The following VAV2 variants were observed in gnomAD, a reference collection of about 807,000 sequenced individuals.
VAV2 encodes guanine nucleotide exchange factor VAV2.
Under a neutral mutation model 132.5 loss-of-function variants are expected in VAV2, and 67 were observed. That is an observed-to-expected ratio of 0.51 (90% CI 0.42 to 0.62). The LOEUF is 0.62. Ranked by LOEUF, VAV2 falls within the 20% of genes least tolerant of loss-of-function variation. The probability of loss-of-function intolerance (pLI) is 0.00; values close to 1 mark genes in which losing one functional copy is unlikely to be tolerated. For synonymous variants in VAV2, 492 were observed against 443.5 expected (o/e 1.11, Z -1.37); for missense variants, 938 against 1,153.6 (o/e 0.81, Z 2.71).
intron 29 of VAV2, 55 bp from the exon 30 acceptor site, chr9:133,764,164 G>A (rs1833357917): frequency 6.2e-7 from 1 of 1,610,722 alleles, no homozygotes; most frequent in Non-Finnish European, 8.5e-7. Context: ...GTAAGCAGGT[G>A]TGTGCATGTC....
chr9:133,768,664 TG>T lies in VAV2; in HGVS notation c.2435-69del. ...CCCAACCAGTGATCCAGGAGGCCCT[TG>T]GGCCAAGCTGGGTCTCTCCCCTGGT... On this transcript the variant is annotated intron_variant, in intron 28 of 29. Coordinates refer to ENST00000371850, the MANE Select transcript of VAV2 (RefSeq NM_001134398.2). The surrounding 1 kb of genome is among the most constrained non-coding windows in gnomAD (Gnocchi z 5.3). 1 of 1,543,616 alleles carries T rather than the reference TG, an allele frequency of 6.5e-7. No individual in the cohort carries two copies. Among genetic ancestry groups the T allele is most frequent in the Middle Eastern group, 1.7e-4 (1 of 5,832 alleles).
chr9:133,908,438 C>A (rs1839754872), intron 2 of VAV2, among the ~76,000 whole-genome samples: 1 of 152,108 alleles, frequency 6.6e-6, no homozygotes, highest in Non-Finnish European at 1.5e-5. Context: ...ACACCCTCTT[C>A]CCCTGGAAAT....
chr9:133,827,216 G>C lies in VAV2; in HGVS notation c.449+7056C>G, dbSNP rs183909766. On this transcript the variant is annotated intron_variant, in intron 4 of 29. Transcript: ENST00000371850. The stretch of plus-strand genomic sequence containing the variant: ...TGACCACTGAGCATGGGCATCGCCA[G>C]CTACTGCTGTGCCCACTGGGGCTGA... Among the ~76,000 whole-genome samples, 686 of 114,054 alleles carry C rather than the reference G, an allele frequency of 6.0e-3. 51 individuals are homozygous for C. The highest frequency in any genetic ancestry group is 0.02 in the African/African-American group (553 of 27,866). The allele number at this position is 114,054 out of a possible 152,430, so 74.8% of individuals were successfully genotyped here. A position where few individuals can be genotyped will look rare whatever the true frequency, so the allele number is the denominator to read the frequency against.
chr9:133,786,209 G>A (rs1356424509), intron 16 of VAV2, among the ~76,000 whole-genome samples: 2 of 152,188 alleles, frequency 1.3e-5, no homozygotes, highest in African/African-American at 2.4e-5. Flanking sequence ...GCCTGCACGC[G>A]TGTCTATGCG....
At chr9:133,838,534 GATGC>G (rs1186696024) in intron 3 of VAV2, among the ~76,000 whole-genome samples, 1 of 78,508 alleles carries the variant, frequency 1.3e-5, no homozygotes, top group Non-Finnish European at 2.5e-5. Flanking sequence ...TAGATGGATG[GATGC>G]ATGCATGCAT....
rs971787497 is a variant in VAV2 at position 133,918,354 on chromosome 9, T to C, written c.321+20749A>G. On this transcript the variant is annotated intron_variant, in intron 2 of 29. Coordinates refer to ENST00000371850, the MANE Select transcript of VAV2 (RefSeq NM_001134398.2). This position sits in a 1 kb window ranked among gnomAD's most constrained non-coding sequence, Gnocchi z 4.7. ...AGCCTTGTGTCTGCATTTCCCGCAC[T>C]TTCATCTGCTGGTCCGGACCCAGGC... Among the ~76,000 whole-genome samples the C allele has an allele frequency of 1.6e-4, 24 of 146,958 alleles. No homozygotes were observed. Among genetic ancestry groups the C allele is most frequent in the Non-Finnish European group, 3.0e-5 (2 of 67,738 alleles).
At chr9:133,874,828 C>A (rs949936219) in intron 2 of VAV2, among the ~76,000 whole-genome samples, 1 of 152,198 alleles carries the variant, frequency 6.6e-6, no homozygotes, top group African/African-American at 2.4e-5. Flanking sequence ...CCCTCCCCAG[C>A]CCACAACTGC....
At chr9:133,932,591 C>T (rs2789843) in intron 2 of VAV2, among the ~76,000 whole-genome samples, 123,181 of 152,140 alleles carry the variant, frequency 0.81, 51,324 homozygotes, top group East Asian at 0.93. Context: ...ATTTTTTCAC[C>T]GAGTCCTTTA....
intron 2 of VAV2, among the ~76,000 whole-genome samples, chr9:133,893,443 G>A (rs967395329): frequency 2.6e-5 from 4 of 152,202 alleles, no homozygotes; most frequent in African/African-American, 2.4e-5. Context: ...AGGCCCTAGC[G>A]ACAACTCTGG....
chr9:133,910,908 G>A (rs1473065080), intron 2 of VAV2, among the ~76,000 whole-genome samples: 4 of 151,920 alleles, frequency 2.6e-5, no homozygotes, highest in Admixed American at 1.3e-4. Flanking sequence ...GGCGGGCACG[G>A]GAGTCTAACA....
intron 2 of VAV2, among the ~76,000 whole-genome samples, chr9:133,929,523 G>T (rs944179874): frequency 1.4e-4 from 21 of 152,080 alleles, no homozygotes; most frequent in Non-Finnish European, 3.1e-4. Context: ...GGGGTAGGGG[G>T]ACCCAAGGCT....
At chr9:133,891,119 C>A (rs1027222221) in intron 2 of VAV2, among the ~76,000 whole-genome samples, 3 of 150,812 alleles carry the variant, frequency 2.0e-5, no homozygotes, top group South Asian at 2.1e-4. Flanking sequence ...GCACCAGAGC[C>A]CTGCTCAAGG....
At chr9:133,778,934 C>G (rs776041142) in intron 21 of VAV2, 45 bp from the exon 22 acceptor site, 5 of 1,598,852 alleles carry the variant, frequency 3.1e-6, no homozygotes, top group Non-Finnish European at 4.3e-6. Flanking sequence ...GCAGCTCACT[C>G]GGTGACTGAC....
intron 1 of VAV2, among the ~76,000 whole-genome samples, chr9:133,988,556 G>A (rs1842923917): frequency 6.6e-6 from 1 of 152,324 alleles, no homozygotes; most frequent in Non-Finnish European, 1.5e-5. Context: ...AGAAAGGGCA[G>A]ATGTGATTTT....
chr9:133,815,797 C>T (rs1034648477), intron 4 of VAV2, among the ~76,000 whole-genome samples: 50 of 152,142 alleles, frequency 3.3e-4, no homozygotes, highest in African/African-American at 9.7e-4. Flanking sequence ...TATGCACGCA[C>T]GCCTGTGTGG....
At position 133,863,979 on chromosome 9, in the gene VAV2, G is replaced by A. The variant is rs1837699352; in HGVS notation, c.322-2547C>T. On this transcript the variant is annotated intron_variant, in intron 2 of 29. Transcript: ENST00000371850. The surrounding 1 kb of genome is among the most constrained non-coding windows in gnomAD (Gnocchi z 5.0). The stretch of plus-strand genomic sequence containing the variant: ...AGCTCCCCAGGGCACCTCTGGCTGT[G>A]CCCACCCCACTCCCAGGACAGACAG... 6.6e-6 allele frequency among the ~76,000 whole-genome samples: 1 copy of A among 152,134 alleles called. No homozygotes were observed. Among genetic ancestry groups the A allele is most frequent in the South Asian group, 2.1e-4 (1 of 4,824 alleles).
chr9:133,932,768 G>C (rs1840733152), intron 2 of VAV2, among the ~76,000 whole-genome samples: 1 of 152,210 alleles, frequency 6.6e-6, no homozygotes, highest in Non-Finnish European at 1.5e-5. Flanking sequence ...ACCGAGCCTG[G>C]ATGAGAGGAG....
intron 4 of VAV2, among the ~76,000 whole-genome samples, chr9:133,828,581 T>C (rs972754880): frequency 2.0e-5 from 3 of 152,208 alleles, no homozygotes; most frequent in Non-Finnish European, 4.4e-5. Context: ...ACCCAAGGTG[T>C]CCTTCTACCG....
Position 133,935,606 on chromosome 9 carries a change from C to T in VAV2, c.321+3497G>A, listed in dbSNP as rs1276730997. 1.3e-5 allele frequency among the ~76,000 whole-genome samples: 2 copies of T among 152,246 alleles called. No homozygotes were observed. The highest frequency in any genetic ancestry group is 2.9e-5 in the Non-Finnish European group (2 of 68,046). On this transcript the variant is annotated intron_variant, in intron 2 of 29. Coordinates refer to ENST00000371850, the MANE Select transcript of VAV2 (RefSeq NM_001134398.2). The surrounding 1 kb of genome is among the most constrained non-coding windows in gnomAD (Gnocchi z 5.2). ...TTGCTTGTGTTTTGTTTTTCCAGAACACCTGTCCCGGAGAAGCCAGGAGGC... is the reference window on the plus strand; with the variant it reads ...TTGCTTGTGTTTTGTTTTTCCAGAATACCTGTCCCGGAGAAGCCAGGAGGC...
Sources: allele counts gnomAD v4.1 joint callset (sites outside exome capture counted in the v4.1 genomes callset), GRCh38; gene constraint gnomAD v4.1.1; non-coding constraint Gnocchi (gnomAD v3.1); transcripts MANE v1.5; gene names NCBI Gene and HGNC (gene_info 2026-07-23, HGNC 2026-07-21).